LYZL1: variants seen among roughly 807,000 people sequenced by gnomAD.
The protein encoded by LYZL1 is lysozyme like 1.
A neutral mutation model predicts 17.9 loss-of-function variants in LYZL1; 16 were observed. The observed-to-expected ratio is 0.90, with a 90% CI of 0.61 to 1.36. The LOEUF is 1.36. LYZL1 is among the 40% of genes most tolerant of loss of function. The probability of loss-of-function intolerance (pLI) is 0.00; values close to 1 mark genes in which losing one functional copy is unlikely to be tolerated. For missense variants in LYZL1, 149 were observed against 188.4 expected (o/e 0.79, Z 1.22); for synonymous variants, 58 against 71.8 (o/e 0.81, Z 0.97).
downstream of LYZL1, among the ~76,000 whole-genome samples, chr10:29,312,789 C>G (rs1198562858): frequency 6.6e-6 from 1 of 152,140 alleles, no homozygotes; most frequent in Non-Finnish European, 1.5e-5. Context: ...AATCCACATG[C>G]CTCTGTTCTG....
intron 3 of LYZL1, among the ~76,000 whole-genome samples, chr10:29,294,827 A>G (rs1453029987): frequency 6.6e-6 from 1 of 152,180 alleles, no homozygotes; most frequent in Non-Finnish European, 1.5e-5. Flanking sequence ...TGTATATACT[A>G]TGATTTTTCC....
chr10:29,290,432 G>A (rs550393228), intron 1 of LYZL1, among the ~76,000 whole-genome samples: 1 of 152,246 alleles, frequency 6.6e-6, no homozygotes, highest in South Asian at 2.1e-4. Flanking sequence ...CCTTTCATGA[G>A]GCTTTGTCCT....
intron 3 of LYZL1, among the ~76,000 whole-genome samples, chr10:29,296,686 C>T (rs990949201): frequency 1.3e-5 from 2 of 152,168 alleles, no homozygotes; most frequent in African/African-American, 2.4e-5. Flanking sequence ...ACAATGATGG[C>T]AGCCAGGCCA....
rs112559520 is a variant in LYZL1, at chr10:29,293,973, C to CA, written c.298+1307dup. On this transcript the variant is annotated intron_variant, in intron 3 of 4. Transcript: ENST00000649382. The stretch of plus-strand genomic sequence containing the variant: ...TGGGTGACAGAGAAAGACTCTGTCT[C>CA]AAAAAAAAAAAGAAAGAAAAAAAGA... Among the ~76,000 whole-genome samples the CA allele has an allele frequency of 2.4e-3, 298 of 123,938 alleles. 1 individual carries two copies. Among genetic ancestry groups the CA allele is most frequent in the African/African-American group, 5.1e-3 (169 of 33,294 alleles). 81.3% of individuals were successfully genotyped at this position (123,938 alleles called of 152,430 possible).
rs529362751 is a variant in LYZL1, at chr10:29,291,853, C to T, written c.-15C>T. On this transcript the variant is annotated 5_prime_UTR_variant, in exon 2 of 5. Transcript: ENST00000649382. Reference sequence around the variant, plus strand: ...CCGGCTCTTTGGCAGGTTCTGTCTCCGGCAGGCTTTGAGGATGAAGGCTGC... The same window carrying T: ...CCGGCTCTTTGGCAGGTTCTGTCTCTGGCAGGCTTTGAGGATGAAGGCTGC... The T allele has an allele frequency of 1.2e-4, 183 of 1,559,294 alleles. 1 individual carries two copies. The South Asian group carries it at 2.0e-3, about 17-fold the overall frequency.
Position 29,300,992 on chromosome 10 carries a change from T to A in LYZL1, c.298+8315T>A, listed in dbSNP as rs190676768. Among the ~76,000 whole-genome samples, 4 of 152,108 alleles carry A rather than the reference T, an allele frequency of 2.6e-5. No homozygotes were observed. In the East Asian group the frequency reaches 7.7e-4, roughly 29 times the overall value. On this transcript the variant is annotated intron_variant, in intron 3 of 4. Transcript: ENST00000649382. ...ACATGCCACAATGCCTGGCTGGTTTTTATTTTATTTTTTGTAGGGATGGGT... is the reference window on the plus strand; with the variant it reads ...ACATGCCACAATGCCTGGCTGGTTTATATTTTATTTTTTGTAGGGATGGGT...
chr10:29,306,501 G>A (rs1835593104), intron 3 of LYZL1, among the ~76,000 whole-genome samples: 1 of 111,778 alleles, frequency 8.9e-6, no homozygotes, highest in Non-Finnish European at 1.7e-5. Flanking sequence ...AGTGAGCCGA[G>A]ATCCCGCCAC....
intron 3 of LYZL1, among the ~76,000 whole-genome samples, chr10:29,302,001 G>C (rs1378251872): frequency 6.6e-6 from 1 of 151,624 alleles, no homozygotes; most frequent in Non-Finnish European, 1.5e-5. Flanking sequence ...GCAAACTTTC[G>C]TATCTCTCAT....
Position 29,304,219 on chromosome 10 carries a change from T to G in LYZL1, c.299-5891T>G, listed in dbSNP as rs16930125. Among the ~76,000 whole-genome samples the G allele has an allele frequency of 0.014, 2,155 of 152,282 alleles. 141 individuals are homozygous for G. The East Asian group carries it at 0.18, about 13-fold the overall frequency. ...GCACACACGTTCATATACCTACACA[T>G]ATACATACACACAGTGTACAAAATG... On this transcript the variant is annotated intron_variant, in intron 3 of 4. Transcript: ENST00000649382.
intron 3 of LYZL1, among the ~76,000 whole-genome samples, chr10:29,295,966 G>T (rs907545836): frequency 5.9e-5 from 9 of 152,134 alleles, no homozygotes; most frequent in Non-Finnish European, 5.9e-5. Flanking sequence ...GGATCTTCCT[G>T]CAGAGTGTCC....
At chr10:29,312,548 A>G (rs1835686116), downstream of LYZL1, among the ~76,000 whole-genome samples, 1 of 152,100 alleles carries the variant, frequency 6.6e-6, no homozygotes, top group Non-Finnish European at 1.5e-5. Context: ...CAAGCTCACA[A>G]CCCCATGACA....
At chr10:29,316,251 T>C (rs1336595039) in intron 3 of LYZL1, among the ~76,000 whole-genome samples, 1 of 152,202 alleles carries the variant, frequency 6.6e-6, no homozygotes, top group African/African-American at 2.4e-5. Flanking sequence ...TTCTCCCTTC[T>C]CTCATCTGAT....
intron 3 of LYZL1, among the ~76,000 whole-genome samples, chr10:29,304,767 C>G (rs1187907118): frequency 6.6e-6 from 1 of 152,010 alleles, no homozygotes; most frequent in Non-Finnish European, 1.5e-5. Context: ...CCTCAGTGCT[C>G]AGGGCTGGGA....
intron 3 of LYZL1, among the ~76,000 whole-genome samples, chr10:29,303,704 A>G (rs969010242): frequency 2.0e-5 from 3 of 152,208 alleles, no homozygotes; most frequent in African/African-American, 7.2e-5. Flanking sequence ...CTTAAAATAG[A>G]AAACAAGATG....
At chr10:29,292,071 T>C (rs1163792255) in intron 2 of LYZL1, 65 bp downstream of exon 2, 2 of 1,537,646 alleles carry the variant, frequency 1.3e-6, no homozygotes, top group African/African-American at 1.4e-5. Flanking sequence ...TTGAAGGTCC[T>C]GGCCACACTC....
downstream of LYZL1, among the ~76,000 whole-genome samples, chr10:29,314,585 G>A (rs563034529): frequency 5.3e-5 from 8 of 152,222 alleles, no homozygotes; most frequent in South Asian, 1.7e-3. Context: ...CTGCACTCCA[G>A]CCTGGATGAC....
At position 29,292,387 on chromosome 10, in the gene LYZL1, C is replaced by G. The variant is rs11007513; in HGVS notation, c.140-132C>G. ...CCTCGTGTGCCCCCTGGGCGCATGCCCGCCCTGCCCTGCCCAAGGTGTATT... is the reference window on the plus strand; with the variant it reads ...CCTCGTGTGCCCCCTGGGCGCATGCGCGCCCTGCCCTGCCCAAGGTGTATT... On this transcript the variant is annotated intron_variant, in intron 2 of 4. Coordinates refer to ENST00000649382, the MANE Select transcript of LYZL1 (RefSeq NM_032517.6). The G allele has an allele frequency of 2.0e-5, 28 of 1,405,184 alleles. No individual in the cohort carries two copies. The African/African-American group carries it at 4.0e-4, about 20-fold the overall frequency. The allele number at this position is 1,405,184 out of a possible 1,614,324, so 87.0% of individuals were successfully genotyped here. A position where few individuals can be genotyped will look rare whatever the true frequency, so the allele number is the denominator to read the frequency against.
At chr10:29,290,210 C>T (rs182624558) in intron 1 of LYZL1, among the ~76,000 whole-genome samples, 4 of 152,298 alleles carry the variant, frequency 2.6e-5, no homozygotes, top group African/African-American at 9.6e-5. Flanking sequence ...TATGTAAGAA[C>T]ATCAAGTTCA....
chr10:29,312,188 G>A (rs1348968270), downstream of LYZL1, among the ~76,000 whole-genome samples: 1 of 152,050 alleles, frequency 6.6e-6, no homozygotes, highest in Non-Finnish European at 1.5e-5. Context: ...AAATCCTGCT[G>A]GAAATTCTAA....
Sources: gnomAD v4.1 joint callset for allele counts (sites outside exome capture counted in the v4.1 genomes callset) on GRCh38, gnomAD v4.1.1 for gene constraint, MANE v1.5 for transcripts, NCBI Gene and HGNC (gene_info 2026-07-23, HGNC 2026-07-21) for gene names.